The following BMP6 variants were observed in gnomAD, a reference collection of about 807,000 sequenced individuals.
BMP6 encodes the protein VG-1-R.
A neutral mutation model predicts 54.1 loss-of-function variants in BMP6; 17 were observed. The ratio of observed to expected loss-of-function variants is 0.31; its 90% CI spans 0.22 to 0.47. BMP6 has a LOEUF of 0.47. Ranked by LOEUF, BMP6 falls within the 20% of genes least tolerant of loss-of-function variation. The pLI, the probability that BMP6 is intolerant of heterozygous loss-of-function variation, is 1.00. For missense variants in BMP6, 720 were observed against 690.4 expected, an observed-to-expected ratio of 1.04 and a Z score of -0.48; for synonymous variants, 328 against 291.2, an observed-to-expected ratio of 1.13 and a Z score of -1.28.
chr6:7,830,545 A>G (rs963925809), intron 1 of BMP6, among the ~76,000 whole-genome samples: 8 of 152,302 alleles, frequency 5.3e-5, no homozygotes, highest in Admixed American at 2.6e-4. Flanking sequence ...TGAGGAATCA[A>G]TGGCTGAGAA....
chr6:7,857,133 G>A (rs1220745599), intron 2 of BMP6, among the ~76,000 whole-genome samples: 1 of 152,222 alleles, frequency 6.6e-6, no homozygotes, highest in Non-Finnish European at 1.5e-5. Flanking sequence ...TGCCTTGGAG[G>A]CTGTGTGATG....
chr6:7,762,230 AT>A lies in BMP6; in HGVS notation c.664+34614del, dbSNP rs551785658. On this transcript the variant is annotated intron_variant, in intron 1 of 6. Coordinates refer to ENST00000283147, the MANE Select transcript of BMP6 (RefSeq NM_001718.6). ...AGCCACTGCACCTGGCCAACCTTGGATTTCTTAAAAGGAAGGGGTTGTATCT... is the reference window on the plus strand; with the variant it reads ...AGCCACTGCACCTGGCCAACCTTGGATTCTTAAAAGGAAGGGGTTGTATCT... Among the ~76,000 whole-genome samples, 95 of 152,306 alleles carry A rather than the reference AT, an allele frequency of 6.2e-4. 1 individual carries two copies. Among genetic ancestry groups the A allele is most frequent in the Non-Finnish European group, 1.2e-3 (82 of 68,024 alleles).
chr6:7,777,469 C>G (rs527643849), intron 1 of BMP6, among the ~76,000 whole-genome samples: 1 of 152,090 alleles, frequency 6.6e-6, no homozygotes, highest in African/African-American at 2.4e-5. Context: ...CAGTGGAATG[C>G]CCCCCTCTGG....
chr6:7,862,837 G>T (rs1158965580), intron 4 of BMP6, among the ~76,000 whole-genome samples: 1 of 152,088 alleles, frequency 6.6e-6, no homozygotes, highest in Admixed American at 6.6e-5. Flanking sequence ...TTCTAGTTGC[G>T]TTATGCTGGG....
chr6:7,740,198 G>C (rs2113115744), intron 1 of BMP6, among the ~76,000 whole-genome samples: 1 of 152,152 alleles, frequency 6.6e-6, no homozygotes, highest in East Asian at 1.9e-4. Flanking sequence ...GTAGCTGTTG[G>C]GTTCAGAAAG....
chr6:7,754,372 G>T (rs1040806971), intron 1 of BMP6, among the ~76,000 whole-genome samples: 5 of 152,202 alleles, frequency 3.3e-5, no homozygotes, highest in Non-Finnish European at 7.3e-5. Context: ...GCTTCCCAAA[G>T]CGCTGGGATT....
At chr6:7,807,127 C>T (rs1012547786) in intron 1 of BMP6, among the ~76,000 whole-genome samples, 3 of 152,194 alleles carry the variant, frequency 2.0e-5, no homozygotes, top group Admixed American at 6.5e-5. Context: ...ACGTAATACT[C>T]TCCTTATGAT....
rs1160907500 is a variant in BMP6 at position 7,862,413 on chromosome 6, C to T, written c.1119C>T (p.Thr373=). The T allele has an allele frequency of 6.2e-7, 1 of 1,614,070 alleles. No homozygotes were observed. Among genetic ancestry groups the T allele is most frequent in the African/African-American group, 1.3e-5 (1 of 74,930 alleles). ...FKVSEVHVRT[T]RSASSRRRQQ... is the part of the protein sequence containing the mutation. ...TGAGTGAGGTGCACGTGCGCACCACCAGGTCAGCCTCCAGCCGGCGCCGAC... is the reference window on the plus strand; with the variant it reads ...TGAGTGAGGTGCACGTGCGCACCACTAGGTCAGCCTCCAGCCGGCGCCGAC... The change falls in exon 4 of 7, where the codon ACC becomes ACT. Residue 373 remains threonine, a synonymous_variant. Transcript: ENST00000283147.
chr6:7,749,019 C>T (rs369834703), intron 1 of BMP6, among the ~76,000 whole-genome samples: 1 of 152,220 alleles, frequency 6.6e-6, no homozygotes, highest in East Asian at 1.9e-4. Context: ...TTTTGATCTT[C>T]CACATTGATG....
intron 1 of BMP6, among the ~76,000 whole-genome samples, chr6:7,756,485 T>A (rs1757517209): frequency 6.6e-6 from 1 of 152,228 alleles, no homozygotes; most frequent in Admixed American, 6.5e-5. Context: ...CTGAGTCTGT[T>A]TTTATGGATT....
chr6:7,750,998 T>C (rs949206653), intron 1 of BMP6, among the ~76,000 whole-genome samples: 2 of 152,212 alleles, frequency 1.3e-5, no homozygotes, highest in Admixed American at 1.3e-4. Context: ...ATTCTCAACC[T>C]ACTTATCCTT....
At chr6:7,808,413 G>A (rs192094243) in intron 1 of BMP6, among the ~76,000 whole-genome samples, 111 of 152,228 alleles carry the variant, frequency 7.3e-4, no homozygotes, top group Admixed American at 4.2e-3. Flanking sequence ...TCTTGGGGGG[G>A]CGATCATTGC....
intron 1 of BMP6, among the ~76,000 whole-genome samples, chr6:7,784,442 T>C (rs1757993764): frequency 6.6e-6 from 1 of 152,134 alleles, no homozygotes; most frequent in Admixed American, 6.5e-5. Flanking sequence ...CGTCTGAGTG[T>C]GTGTAGGCAT....
Position 7,727,738 on chromosome 6 carries a change from A to G in BMP6, c.664+119A>G, listed in dbSNP as rs1333518448. ...GCGCGCGGGTCCCGCCTGGTGCGCC[A>G]GAGAACGCGGGGACAGGCAGGCTGT... is the stretch of plus-strand genomic sequence containing the variant. On this transcript the variant is annotated intron_variant, in intron 1 of 6. Coordinates refer to ENST00000283147, the MANE Select transcript of BMP6 (RefSeq NM_001718.6). The G allele has an allele frequency of 3.2e-6, 4 of 1,232,490 alleles. No homozygotes were observed. The African/African-American group carries it at 6.4e-5, about 20-fold the overall frequency. 76.3% of individuals were successfully genotyped at this position (1,232,490 alleles called of 1,614,324 possible).
chr6:7,785,750 T>C (rs2113175142), intron 1 of BMP6, among the ~76,000 whole-genome samples: 2 of 152,234 alleles, frequency 1.3e-5, no homozygotes, highest in East Asian at 3.9e-4. Context: ...CACTTGTACA[T>C]AAAACAGCTG....
chr6:7,795,489 G>A (rs1758178344), intron 1 of BMP6, among the ~76,000 whole-genome samples: 1 of 152,214 alleles, frequency 6.6e-6, no homozygotes, highest in Non-Finnish European at 1.5e-5. Flanking sequence ...TGGCTGGACA[G>A]AGAGGCAAGG....
intron 1 of BMP6, among the ~76,000 whole-genome samples, chr6:7,759,774 A>G (rs1336252914): frequency 3.1e-5 from 4 of 128,368 alleles, no homozygotes; most frequent in African/African-American, 6.1e-5. Flanking sequence ...CACAATCTCA[A>G]CTCACTGCGG....
chr6:7,775,665 A>C (rs1757852155), intron 1 of BMP6, among the ~76,000 whole-genome samples: 1 of 152,182 alleles, frequency 6.6e-6, no homozygotes. Context: ...GAATGTGGTA[A>C]GGTCAGCTCT....
At position 7,784,920 on chromosome 6, in the gene BMP6, T is replaced by C. The variant is rs1460838517; in HGVS notation, c.664+57301T>C. ...AAGTGAAAGAAGGTTGTGTGTTTAT[T>C]ACAGTTTGAGGTGTACTTTTCACTC... On this transcript the variant is annotated intron_variant, in intron 1 of 6. Transcript: ENST00000283147. Among the ~76,000 whole-genome samples, 5 of 152,202 alleles carry C rather than the reference T, an allele frequency of 3.3e-5. No individual in the cohort carries two copies. The East Asian group carries it at 9.6e-4, about 29-fold the overall frequency.
Sources: gnomAD v4.1 joint callset for allele counts (sites outside exome capture counted in the v4.1 genomes callset) on GRCh38, gnomAD v4.1.1 for gene constraint, MANE v1.5 for transcripts, NCBI Gene and HGNC (gene_info 2026-07-23, HGNC 2026-07-21) for gene names.